Variants in STK33 observed in about 807,000 individuals in gnomAD.
STK33 encodes the protein serine/threonine-protein kinase 33.
In STK33, 52 loss-of-function variants were observed where a neutral mutation model predicts 58.0. The ratio of observed to expected loss-of-function variants is 0.90; its 90% CI spans 0.72 to 1.13. STK33 has a LOEUF of 1.13. Among genes scored for constraint, STK33 ranks in the 50% most tolerant of loss-of-function variants. The pLI is 0.00. For synonymous variants in STK33, 215 were observed against 200.1 expected (o/e 1.07, Z -0.63); for missense variants, 630 against 604.2 (o/e 1.04, Z -0.45).
At chr11:8,354,629 C>T in the STK33 span, among the ~76,000 whole-genome samples, 1 of 152,190 alleles carries the variant, frequency 6.6e-6, no homozygotes, top group Non-Finnish European at 1.5e-5. Context: ...AGGTACACTT[C>T]CACCCAGGGG....
chr11:8,429,344 T>C (rs1437813175), intron 14 of STK33, among the ~76,000 whole-genome samples: 2 of 152,212 alleles, frequency 1.3e-5, no homozygotes, highest in African/African-American at 2.4e-5. Context: ...CATTCAAGCA[T>C]AAAAGTTTGA....
chr11:8,397,329 G>T (rs963940475), intron 15 of STK33, among the ~76,000 whole-genome samples: 1 of 152,198 alleles, frequency 6.6e-6, no homozygotes, highest in Non-Finnish European at 1.5e-5. Context: ...TGCAGCCTCC[G>T]CTGCTGACAC....
intron 1 of STK33, among the ~76,000 whole-genome samples, chr11:8,537,152 G>A (rs906619589): frequency 4.0e-5 from 6 of 151,110 alleles, no homozygotes; most frequent in Non-Finnish European, 7.4e-5. Context: ...ACCAACTTTT[G>A]TATTTTTAGT....
At chr11:8,502,901 A>T (rs1281042478) in intron 1 of STK33, among the ~76,000 whole-genome samples, 1 of 152,256 alleles carries the variant, frequency 6.6e-6, no homozygotes, top group African/African-American at 2.4e-5. Context: ...ATCATTAGAG[A>T]AATGCAAATC....
the STK33 span, among the ~76,000 whole-genome samples, chr11:8,374,931 G>A: frequency 6.6e-6 from 1 of 152,180 alleles, no homozygotes; most frequent in South Asian, 2.1e-4. Context: ...CTAGCCCGAG[G>A]ACCCACCAAG....
At chr11:8,512,503 G>A (rs1415240110) in intron 1 of STK33, among the ~76,000 whole-genome samples, 3 of 152,148 alleles carry the variant, frequency 2.0e-5, no homozygotes. Context: ...GGCAGAAGCT[G>A]GAAGGAAAAG....
intron 11 of STK33, among the ~76,000 whole-genome samples, chr11:8,450,559 AAAAAAAAGTTCATGATCATAAT>A (rs1227470924): frequency 1.3e-5 from 2 of 151,420 alleles, no homozygotes; most frequent in Non-Finnish European, 1.5e-5. Flanking sequence ...GTATAATAAT[AAAAAAAAGTTCATGATCATAAT>A]AAAAAAAGTT....
At chr11:8,462,392 T>C (rs1377676763) in intron 7 of STK33, among the ~76,000 whole-genome samples, 2 of 128,696 alleles carry the variant, frequency 1.6e-5, no homozygotes, top group African/African-American at 5.6e-5. Context: ...TTTGATTATA[T>C]ATATATATAC....
At chr11:8,501,979 T>C (rs1005252820) in intron 1 of STK33, among the ~76,000 whole-genome samples, 1 of 152,060 alleles carries the variant, frequency 6.6e-6, no homozygotes, top group South Asian at 2.1e-4. Flanking sequence ...ATGTCCAGAA[T>C]AGGCAAATCA....
chr11:8,452,531 C>T (rs1324720322), intron 11 of STK33, among the ~76,000 whole-genome samples: 4 of 152,166 alleles, frequency 2.6e-5, no homozygotes, highest in Middle Eastern at 6.8e-3. Flanking sequence ...CCTGTAATCC[C>T]AACACTTGGG....
chr11:8,367,640 TGA>T, the STK33 span, among the ~76,000 whole-genome samples: 1 of 152,216 alleles, frequency 6.6e-6, no homozygotes. Context: ...ATGATTGTTC[TGA>T]GTGTGCTACA....
chr11:8,463,315 A>T (rs991746305), intron 7 of STK33, among the ~76,000 whole-genome samples: 5 of 152,162 alleles, frequency 3.3e-5, no homozygotes, highest in African/African-American at 4.8e-5. Context: ...TCTCATAAGG[A>T]GCATGCAGCA....
intron 1 of STK33, among the ~76,000 whole-genome samples, chr11:8,575,472 T>C (rs1239693605): frequency 6.6e-6 from 1 of 152,154 alleles, no homozygotes; most frequent in African/African-American, 2.4e-5. Context: ...GAAAACACTA[T>C]GCTCAATGAA....
chr11:8,562,464 G>A (rs1322360933), intron 1 of STK33, among the ~76,000 whole-genome samples: 1 of 151,960 alleles, frequency 6.6e-6, no homozygotes, highest in Non-Finnish European at 1.5e-5. Context: ...GATACTCATG[G>A]CCCCCCACTT....
At chr11:8,402,101 C>T (rs1938122766) in intron 15 of STK33, among the ~76,000 whole-genome samples, 1 of 152,190 alleles carries the variant, frequency 6.6e-6, no homozygotes, top group Non-Finnish European at 1.5e-5. Context: ...TTTGACCCAG[C>T]AATCCCATTA....
intron 15 of STK33, among the ~76,000 whole-genome samples, chr11:8,402,218 A>C (rs555131807): frequency 0.012 from 1,715 of 141,792 alleles, 40 homozygotes; most frequent in African/African-American, 0.039. Context: ...AACCAACCCA[A>C]ATGTCCAACA....
intron 1 of STK33, among the ~76,000 whole-genome samples, chr11:8,493,928 C>T (rs960219634): frequency 3.3e-5 from 5 of 151,966 alleles, no homozygotes; most frequent in Admixed American, 6.6e-5. Context: ...CAAAAAACTA[C>T]GCACTGATGG....
chr11:8,392,745 C>G, intron 15 of STK33, 35 bp from the exon 16 acceptor site: 1 of 1,603,114 alleles, frequency 6.2e-7, no homozygotes, highest in Non-Finnish European at 8.5e-7. Context: ...TTTTCAGACA[C>G]AAAGCAATGC....
At position 8,491,904 on chromosome 11, in the gene STK33, T is replaced by G. The variant is rs191476541; in HGVS notation, c.-465-11290A>C. 3.0e-3 allele frequency among the ~76,000 whole-genome samples: 451 copies of G among 152,304 alleles called. 4 individuals carry two copies. The highest frequency in any genetic ancestry group is 0.01 in the African/African-American group (436 of 41,572). Reference sequence around the variant, plus strand: ...TAGACAAGCAAATGCTGAGAGATTTTGTCACCACCAGGCCTGCCCTAAAAG... The same window carrying G: ...TAGACAAGCAAATGCTGAGAGATTTGGTCACCACCAGGCCTGCCCTAAAAG... On this transcript the variant is annotated intron_variant, in intron 1 of 15. Transcript: ENST00000687296.
Sources: gnomAD v4.1 joint callset for allele counts (sites outside exome capture counted in the v4.1 genomes callset) on GRCh38, gnomAD v4.1.1 for gene constraint, MANE v1.5 for transcripts, NCBI Gene and HGNC (gene_info 2026-07-23, HGNC 2026-07-21) for gene names.